GPC5: variants seen among roughly 807,000 people sequenced by gnomAD.
GPC5 encodes the protein glypican 5.
In GPC5, 47 loss-of-function variants were observed where a neutral mutation model predicts 53.9. The ratio of observed to expected loss-of-function variants is 0.87; its 90% CI spans 0.69 to 1.11. GPC5 has a LOEUF of 1.11. Ranked by LOEUF, GPC5 falls within the 50% of genes most tolerant of loss-of-function variation. The pLI is 0.00. For synonymous variants in GPC5, 286 were observed against 263.3 expected (o/e 1.09, Z -0.84); for missense variants, 748 against 713.1 (o/e 1.05, Z -0.56).
In GPC5 at chr13:91,784,217, A is replaced by T. The variant is rs1409500061; in HGVS notation, c.1280+27797A>T. ...TAGTTAAAAAGTGTCATGTTCATCT[A>T]TTCAAAATGTAGTATAATTTTATTT... is the stretch of plus-strand genomic sequence containing the variant. On this transcript the variant is annotated intron_variant, in intron 5 of 7. Transcript: ENST00000377067. Among the ~76,000 whole-genome samples, 4 of 152,370 alleles carry T rather than the reference A, an allele frequency of 2.6e-5. No individual in the cohort carries two copies. The South Asian group carries it at 8.3e-4, about 32-fold the overall frequency.
intron 4 of GPC5, among the ~76,000 whole-genome samples, chr13:91,746,039 A>G (rs1313101823): frequency 1.3e-5 from 2 of 152,244 alleles, no homozygotes; most frequent in Admixed American, 1.3e-4. Flanking sequence ...ATAACGTTAA[A>G]TGATTAAATA....
At chr13:92,184,328 T>C (rs1335354575) in intron 7 of GPC5, among the ~76,000 whole-genome samples, 1 of 152,156 alleles carries the variant, frequency 6.6e-6, no homozygotes, top group Non-Finnish European at 1.5e-5. Flanking sequence ...AAAAATCTTC[T>C]CCAGAGTCAG....
chr13:91,480,307 G>A (rs1341442766), intron 2 of GPC5, among the ~76,000 whole-genome samples: 1 of 152,222 alleles, frequency 6.6e-6, no homozygotes, highest in Non-Finnish European at 1.5e-5. Context: ...TTTGCAGTAT[G>A]TAGAGAAATA....
intron 4 of GPC5, among the ~76,000 whole-genome samples, chr13:91,741,151 C>T (rs1039225671): frequency 6.6e-6 from 1 of 151,570 alleles, no homozygotes; most frequent in African/African-American, 2.4e-5. Context: ...ATTTTGATGT[C>T]AAGGTGGGGA....
intron 1 of GPC5, among the ~76,000 whole-genome samples, chr13:91,445,980 A>G (rs923212352): frequency 1.3e-5 from 2 of 152,140 alleles, no homozygotes; most frequent in Non-Finnish European, 2.9e-5. Flanking sequence ...CCTCTGTTGC[A>G]TCTTTCTTCT....
intron 7 of GPC5, among the ~76,000 whole-genome samples, chr13:92,523,740 A>T (rs1220275498): frequency 6.6e-6 from 1 of 152,096 alleles, no homozygotes; most frequent in African/African-American, 2.4e-5. Flanking sequence ...TAGTATCAAT[A>T]CTTACTCATT....
intron 5 of GPC5, among the ~76,000 whole-genome samples, chr13:91,779,891 T>C (rs1399937695): frequency 6.6e-6 from 1 of 150,950 alleles, no homozygotes; most frequent in Non-Finnish European, 1.5e-5. Flanking sequence ...ATAGTTAACT[T>C]AAAAAAAAAT....
Position 92,557,581 on chromosome 13 carries a change from T to A in GPC5, c.1562-308701T>A, listed in dbSNP as rs114656806. 3.8e-3 allele frequency among the ~76,000 whole-genome samples: 580 copies of A among 152,144 alleles called. 4 individuals are homozygous for A. The highest frequency in any genetic ancestry group is 0.013 in the African/African-American group (533 of 41,538). On this transcript the variant is annotated intron_variant, in intron 7 of 7. Transcript: ENST00000377067. ...ATTGCAGTCTATCCTCAAACCCAGATAATTATTTTAAGTTGCTAAAAACTC... is the reference window on the plus strand; with the variant it reads ...ATTGCAGTCTATCCTCAAACCCAGAAAATTATTTTAAGTTGCTAAAAACTC...
At chr13:91,562,070 G>T (rs1263248417) in intron 2 of GPC5, among the ~76,000 whole-genome samples, 1 of 151,524 alleles carries the variant, frequency 6.6e-6, no homozygotes, top group Non-Finnish European at 1.5e-5. Context: ...TCCAGTTCAT[G>T]CCAGGGAAGC....
chr13:91,651,665 C>T (rs1415264866), intron 2 of GPC5, among the ~76,000 whole-genome samples: 1 of 148,568 alleles, frequency 6.7e-6, no homozygotes, highest in African/African-American at 2.5e-5. Context: ...TTGCAGTGAG[C>T]CAAGATCGTG....
intron 4 of GPC5, among the ~76,000 whole-genome samples, chr13:91,744,551 A>G (rs985668585): frequency 6.6e-6 from 1 of 152,204 alleles, no homozygotes; most frequent in African/African-American, 2.4e-5. Flanking sequence ...GCCATTAGTC[A>G]GATAAATTTG....
chr13:92,577,386 A>G lies in GPC5; in HGVS notation c.1562-288896A>G, dbSNP rs536356259. Among the ~76,000 whole-genome samples, 7 of 151,582 alleles carry G rather than the reference A, an allele frequency of 4.6e-5. No homozygotes were observed. In the East Asian group the frequency reaches 1.2e-3, roughly 25 times the overall value. On this transcript the variant is annotated intron_variant, in intron 7 of 7. Transcript: ENST00000377067. Reference sequence around the variant, plus strand: ...ATACTATATAGCTAGATAGATAAACATCGACATGAATGAATGTAAGTATGT... The same window carrying G: ...ATACTATATAGCTAGATAGATAAACGTCGACATGAATGAATGTAAGTATGT...
At chr13:91,553,207 T>A (rs1758713121) in intron 2 of GPC5, among the ~76,000 whole-genome samples, 1 of 105,650 alleles carries the variant, frequency 9.5e-6, no homozygotes, top group South Asian at 2.6e-4. Flanking sequence ...CCTGAAATAT[T>A]TTCTTTCACT....
At chr13:91,463,769 AC>A (rs1352140051) in intron 2 of GPC5, among the ~76,000 whole-genome samples, 5 of 152,116 alleles carry the variant, frequency 3.3e-5, no homozygotes, top group Admixed American at 6.6e-5. Flanking sequence ...ACAAAAATGA[AC>A]CCAAAATAGA....
At position 92,420,639 on chromosome 13, in the gene GPC5, C is replaced by T. The variant is rs139054083; in HGVS notation, c.1561+275650C>T. 7.6e-4 allele frequency among the ~76,000 whole-genome samples: 116 copies of T among 152,172 alleles called. 1 individual carries two copies. The highest frequency in any genetic ancestry group is 2.4e-3 in the African/African-American group (98 of 41,532). On this transcript the variant is annotated intron_variant, in intron 7 of 7. Coordinates refer to ENST00000377067, the MANE Select transcript of GPC5 (RefSeq NM_004466.6). ...AAACATCCCTGCCTCCCTCTCACCC[C>T]CTTACTACCCTTCCCAGCCTCTGGT...
chr13:91,846,424 T>C (rs2138881814), intron 5 of GPC5, among the ~76,000 whole-genome samples: 1 of 152,256 alleles, frequency 6.6e-6, no homozygotes, highest in South Asian at 2.1e-4. Context: ...TTTTATTCTT[T>C]TATTGGTTAT....
intron 1 of GPC5, among the ~76,000 whole-genome samples, chr13:91,444,744 C>T (rs1880667946): frequency 6.6e-6 from 1 of 152,106 alleles, no homozygotes; most frequent in African/African-American, 2.4e-5. Flanking sequence ...CCCTGCTGAA[C>T]CTGTTTGATT....
intron 7 of GPC5, among the ~76,000 whole-genome samples, chr13:92,642,266 A>G (rs1221685434): frequency 6.6e-6 from 1 of 151,496 alleles, no homozygotes; most frequent in African/African-American, 2.5e-5. Context: ...TAGACTCTTG[A>G]TCAGCAGGAT....
chr13:91,930,598 T>G (rs2039812175), intron 6 of GPC5, among the ~76,000 whole-genome samples: 1 of 151,914 alleles, frequency 6.6e-6, no homozygotes. Flanking sequence ...CAAAAAAAAA[T>G]GACAGTTTTA....
Sources: gnomAD v4.1 joint callset for allele counts (sites outside exome capture counted in the v4.1 genomes callset) on GRCh38, gnomAD v4.1.1 for gene constraint, MANE v1.5 for transcripts, NCBI Gene and HGNC (gene_info 2026-07-23, HGNC 2026-07-21) for gene names.